RHOU: variants seen among roughly 807,000 people sequenced by gnomAD.
RHOU encodes ras homolog family member U, also known as rho-related GTP-binding protein RhoU.
In RHOU, 8 loss-of-function variants were observed where a neutral mutation model predicts 12.6. The observed-to-expected ratio is 0.64, with a 90% confidence interval of 0.37 to 1.15. The LOEUF is 1.15. Among genes scored for constraint, RHOU ranks in the 50% most tolerant of loss-of-function variants. The probability of loss-of-function intolerance (pLI) is 0.01; values close to 1 mark genes in which losing one functional copy is unlikely to be tolerated. For missense variants in RHOU, 258 were observed against 347.0 expected, an observed-to-expected ratio of 0.74 and a Z score of 2.04; for synonymous variants, 161 against 147.4, an observed-to-expected ratio of 1.09 and a Z score of -0.67.
At chr1:228,732,194 AC>A (rs761591291), upstream of RHOU, among the ~76,000 whole-genome samples, 19 of 152,308 alleles carry the variant, frequency 1.2e-4, no homozygotes, top group Non-Finnish European at 1.5e-4. Flanking sequence ...TTTATTAAGC[AC>A]CTACTACTTG....
the RHOU span, among the ~76,000 whole-genome samples, chr1:228,657,279 C>CAAAA: frequency 1.6e-3 from 44 of 28,014 alleles, no homozygotes; most frequent in African/African-American, 2.7e-3. Flanking sequence ...AACTCCATCT[C>CAAAA]AAAAAAAAAA....
the RHOU span, among the ~76,000 whole-genome samples, chr1:228,699,524 T>C: frequency 6.7e-6 from 1 of 149,744 alleles, no homozygotes; most frequent in African/African-American, 2.5e-5. Context: ...GATACATGAG[T>C]TTCTGTTATT....
the RHOU span, among the ~76,000 whole-genome samples, chr1:228,726,289 A>G: frequency 6.6e-6 from 1 of 152,194 alleles, no homozygotes; most frequent in Non-Finnish European, 1.5e-5. Flanking sequence ...CTATCAGTAC[A>G]AACTTCTTAA....
At chr1:228,729,861 T>G in the RHOU span, among the ~76,000 whole-genome samples, 1 of 152,208 alleles carries the variant, frequency 6.6e-6, no homozygotes, top group African/African-American at 2.4e-5. Flanking sequence ...ATCTACAAGG[T>G]GATGGCAGGT....
chr1:228,707,252 TATAG>T, the RHOU span, among the ~76,000 whole-genome samples: 35 of 77,130 alleles, frequency 4.5e-4, no homozygotes, highest in South Asian at 2.3e-3. Flanking sequence ...TATATATATA[TATAG>T]TGTGTGTGTG....
chr1:228,679,858 G>A, the RHOU span, among the ~76,000 whole-genome samples: 2 of 151,980 alleles, frequency 1.3e-5, no homozygotes, highest in African/African-American at 4.8e-5. Context: ...CTTTGAACTG[G>A]GGGAAAAGGG....
chr1:228,721,184 C>T, the RHOU span, among the ~76,000 whole-genome samples: 1 of 152,186 alleles, frequency 6.6e-6, no homozygotes, highest in Non-Finnish European at 1.5e-5. Context: ...TGCCTGTAAT[C>T]CCAGCCACTC....
the RHOU span, among the ~76,000 whole-genome samples, chr1:228,676,139 C>A: frequency 4.0e-5 from 6 of 150,902 alleles, no homozygotes; most frequent in South Asian, 2.1e-4. Context: ...CCGCCCCCCC[C>A]CTTTTTTTTT....
the RHOU span, among the ~76,000 whole-genome samples, chr1:228,690,073 C>T: frequency 6.6e-6 from 1 of 152,274 alleles, no homozygotes; most frequent in African/African-American, 2.4e-5. Flanking sequence ...CCAAACAATA[C>T]ACTTAAGACA....
chr1:228,730,158 G>A, the RHOU span, among the ~76,000 whole-genome samples: 1 of 152,224 alleles, frequency 6.6e-6, no homozygotes, highest in South Asian at 2.1e-4. Context: ...CCAAGGTACA[G>A]GGTTAAGGAA....
chr1:228,666,321 C>T, the RHOU span, among the ~76,000 whole-genome samples: 2 of 152,108 alleles, frequency 1.3e-5, no homozygotes, highest in African/African-American at 4.8e-5. Context: ...AGTTGTTGTA[C>T]ATAGTCATGA....
the RHOU span, among the ~76,000 whole-genome samples, chr1:228,723,836 A>G: frequency 9.9e-5 from 15 of 152,014 alleles, no homozygotes; most frequent in Non-Finnish European, 1.8e-4. Flanking sequence ...CCTTTCTTCT[A>G]TGGCCTCACC....
chr1:228,728,437 C>A, the RHOU span, among the ~76,000 whole-genome samples: 1 of 152,074 alleles, frequency 6.6e-6, no homozygotes, highest in African/African-American at 2.4e-5. Flanking sequence ...GAAGATGATA[C>A]CCCCATTAAA....
upstream of RHOU, among the ~76,000 whole-genome samples, chr1:228,732,337 C>A (rs1558084034): frequency 6.6e-6 from 1 of 152,120 alleles, no homozygotes; most frequent in Non-Finnish European, 1.5e-5. Context: ...ACCCACACAC[C>A]TTGGAGGGCT....
chr1:228,709,849 C>A, the RHOU span, among the ~76,000 whole-genome samples: 2 of 151,924 alleles, frequency 1.3e-5, no homozygotes, highest in African/African-American at 2.4e-5. Context: ...AAAAACCCTT[C>A]AAAAAATTAA....
chr1:228,708,387 A>G, the RHOU span, among the ~76,000 whole-genome samples: 5 of 151,744 alleles, frequency 3.3e-5, no homozygotes, highest in African/African-American at 1.2e-4. Context: ...TGAAGGAAAA[A>G]ATGTTAAGGG....
chr1:228,667,270 A>G, the RHOU span, among the ~76,000 whole-genome samples: 2 of 152,240 alleles, frequency 1.3e-5, no homozygotes, highest in Non-Finnish European at 2.9e-5. Context: ...GAAGACATAA[A>G]AATAAATCAA....
the RHOU span, among the ~76,000 whole-genome samples, chr1:228,712,828 T>TAAATAAAATAAAATAAAATA: frequency 2.5e-5 from 3 of 119,160 alleles, no homozygotes; most frequent in East Asian, 6.8e-4. Context: ...AATAAATAAA[T>TAAATAAAATAAAATAAAATA]AAATAAAATA....
chr1:228,722,628 CT>C, the RHOU span, among the ~76,000 whole-genome samples: 247 of 145,100 alleles, frequency 1.7e-3, no homozygotes, highest in Middle Eastern at 3.5e-3. Context: ...TCCTGACCTC[CT>C]TTTTTTTTTT....
Sources: allele counts gnomAD v4.1 joint callset (sites outside exome capture counted in the v4.1 genomes callset), GRCh38; gene constraint gnomAD v4.1.1; transcripts MANE v1.5; gene names NCBI Gene and HGNC (gene_info 2026-07-23, HGNC 2026-07-21).